The following PTPRJ variants were observed in gnomAD, a reference collection of about 807,000 sequenced individuals.
PTPRJ encodes the protein protein tyrosine phosphatase receptor type J.
Under a neutral mutation model 141.3 loss-of-function variants are expected in PTPRJ, and 129 were observed. The observed-to-expected ratio is 0.91, with a 90% CI of 0.79 to 1.06. The LOEUF (loss-of-function observed/expected upper bound fraction) is 1.06. Among genes scored for constraint, PTPRJ ranks in the 50% least tolerant of loss-of-function variants. The pLI is 0.00. For synonymous variants in PTPRJ, 610 were observed against 640.5 expected (o/e 0.95, Z 0.72); for missense variants, 1,601 against 1,679.7 (o/e 0.95, Z 0.82).
intron 1 of PTPRJ, among the ~76,000 whole-genome samples, chr11:48,080,956 AC>A (rs1486384122): frequency 6.6e-6 from 1 of 152,250 alleles, no homozygotes; most frequent in Non-Finnish European, 1.5e-5. Flanking sequence ...ATGAATACAG[AC>A]CCAGATTGTC....
chr11:47,983,618 T>G (rs951969057), intron 1 of PTPRJ, among the ~76,000 whole-genome samples: 1 of 152,212 alleles, frequency 6.6e-6, no homozygotes, highest in Non-Finnish European at 1.5e-5. Context: ...GATTCCAACA[T>G]GAGGACTTTG....
chr11:47,980,720 T>G lies in PTPRJ; in HGVS notation c.-193T>G. ...GCGGCAGCCGCGCTAGGCTCCGGCG[T>G]GTGGCCGCGGCCGCCGCCGCCGCTG... On this transcript the variant is annotated 5_prime_UTR_variant, in exon 1 of 25. Coordinates refer to ENST00000418331, the MANE Select transcript of PTPRJ (RefSeq NM_002843.4). 1 of 999,160 alleles carries G rather than the reference T, an allele frequency of 1.0e-6. No homozygotes were observed. The highest frequency in any genetic ancestry group is 1.2e-6 in the Non-Finnish European group (1 of 841,010). 61.9% of individuals were successfully genotyped at this position (999,160 alleles called of 1,614,324 possible).
At chr11:48,055,361 T>G (rs1394335239) in intron 1 of PTPRJ, among the ~76,000 whole-genome samples, 1 of 152,322 alleles carries the variant, frequency 6.6e-6, no homozygotes, top group South Asian at 2.1e-4. Flanking sequence ...TGGGAACTTT[T>G]GATGCAACAG....
intron 8 of PTPRJ, among the ~76,000 whole-genome samples, chr11:48,135,349 C>CT (rs1442586789): frequency 4.0e-5 from 6 of 151,238 alleles, no homozygotes; most frequent in African/African-American, 7.3e-5. Flanking sequence ...TAATTTTGTA[C>CT]TTTTTTTGAT....
chr11:48,097,261 C>T (rs1353103125), intron 1 of PTPRJ, among the ~76,000 whole-genome samples: 2 of 152,124 alleles, frequency 1.3e-5, no homozygotes, highest in African/African-American at 4.8e-5. Flanking sequence ...TGAGGAAGCT[C>T]TCACTTTCTA....
At chr11:47,985,335 G>C (rs1183238158) in intron 1 of PTPRJ, among the ~76,000 whole-genome samples, 1 of 150,662 alleles carries the variant, frequency 6.6e-6, no homozygotes, top group Non-Finnish European at 1.5e-5. Flanking sequence ...TAATAGAGAT[G>C]GTGTCTCGCT....
chr11:48,010,377 C>T (rs187421453), intron 1 of PTPRJ, among the ~76,000 whole-genome samples: 147 of 151,376 alleles, frequency 9.7e-4, no homozygotes, highest in African/African-American at 3.3e-3. Flanking sequence ...TAGGGTTTCG[C>T]CATGTTGGCC....
rs548044781 is a variant in PTPRJ, at chr11:48,108,009, G to T, written c.97-2049G>T. ...TTAGGTGAGAGGATCGCTTGAGCATGTGGGATCAAGGATGCAGTGAGCTGT... is the reference window on the plus strand; with the variant it reads ...TTAGGTGAGAGGATCGCTTGAGCATTTGGGATCAAGGATGCAGTGAGCTGT... On this transcript the variant is annotated intron_variant, in intron 1 of 24. Transcript: ENST00000418331. Among the ~76,000 whole-genome samples, 2 of 152,210 alleles carry T rather than the reference G, an allele frequency of 1.3e-5. 1 individual carries two copies. Among genetic ancestry groups the T allele is most frequent in the East Asian group, 3.8e-4 (2 of 5,198 alleles).
At chr11:48,133,430 A>G (rs1857022688) in intron 8 of PTPRJ, among the ~76,000 whole-genome samples, 1 of 152,168 alleles carries the variant, frequency 6.6e-6, no homozygotes, top group Non-Finnish European at 1.5e-5. Context: ...GTTTCATTCA[A>G]TGGTCCCATT....
At chr11:48,001,524 C>T (rs1322333643) in intron 1 of PTPRJ, among the ~76,000 whole-genome samples, 1 of 152,074 alleles carries the variant, frequency 6.6e-6, no homozygotes, top group Non-Finnish European at 1.5e-5. Context: ...CATTACTAAC[C>T]TCTGTGAGGT....
chr11:48,164,915 A>C (rs759631069), intron 24 of PTPRJ, among the ~76,000 whole-genome samples: 1 of 152,140 alleles, frequency 6.6e-6, no homozygotes, highest in Non-Finnish European at 1.5e-5. Flanking sequence ...CTTGTGTTAA[A>C]ATATGTCACC....
intron 1 of PTPRJ, among the ~76,000 whole-genome samples, chr11:47,996,978 C>G (rs975986388): frequency 1.4e-4 from 22 of 152,228 alleles, no homozygotes; most frequent in African/African-American, 5.3e-4. Context: ...TTAGCCTTTG[C>G]TCTTCCCTGG....
intron 24 of PTPRJ, among the ~76,000 whole-genome samples, chr11:48,166,366 T>C (rs926166585): frequency 6.6e-6 from 1 of 151,410 alleles, no homozygotes; most frequent in African/African-American, 2.4e-5. Flanking sequence ...CAGGCTGGAG[T>C]GCAGTGGTGC....
intron 1 of PTPRJ, among the ~76,000 whole-genome samples, chr11:48,026,532 A>G (rs147320338): frequency 1.4e-5 from 2 of 148,126 alleles, no homozygotes; most frequent in Non-Finnish European, 3.0e-5. Flanking sequence ...CCCAGGCTGG[A>G]GTGCAATGGT....
intron 21 of PTPRJ, among the ~76,000 whole-genome samples, chr11:48,156,477 A>G (rs986604852): frequency 2.2e-4 from 34 of 151,860 alleles, no homozygotes; most frequent in Non-Finnish European, 4.6e-4. Flanking sequence ...TCATGTCTCT[A>G]AGCAACCGGT....
chr11:48,087,775 A>G (rs1051110585), intron 1 of PTPRJ, among the ~76,000 whole-genome samples: 3 of 152,218 alleles, frequency 2.0e-5, no homozygotes, highest in African/African-American at 7.2e-5. Context: ...TACCTACCCA[A>G]GGGGTTCACG....
In PTPRJ at chr11:48,167,593, T is replaced by A; in HGVS notation, c.*231T>A. On this transcript the variant is annotated 3_prime_UTR_variant, in exon 25 of 25. Coordinates refer to ENST00000418331, the MANE Select transcript of PTPRJ (RefSeq NM_002843.4). The stretch of plus-strand genomic sequence containing the variant: ...TCTGCATTCCTGATGACCAATGGGA[T>A]GAGGTCACTTTTTTTTTTTTTCCCC... 1 of 394,752 alleles carries A rather than the reference T, an allele frequency of 2.5e-6. No individual in the cohort carries two copies. Among genetic ancestry groups the A allele is most frequent in the South Asian group, 9.7e-5 (1 of 10,360 alleles). 24.5% of individuals were successfully genotyped at this position (394,752 alleles called of 1,614,324 possible).
chr11:48,020,364 G>A (rs1363237151), intron 1 of PTPRJ, among the ~76,000 whole-genome samples: 2 of 152,180 alleles, frequency 1.3e-5, no homozygotes, highest in Non-Finnish European at 2.9e-5. Flanking sequence ...AATTTTTGGC[G>A]TTGGTGGTGG....
At chr11:48,022,157 T>C (rs967900310) in intron 1 of PTPRJ, among the ~76,000 whole-genome samples, 5 of 152,030 alleles carry the variant, frequency 3.3e-5, no homozygotes, top group African/African-American at 1.2e-4. Context: ...TTTATGTAAG[T>C]GTTGGTTGTA....
Sources: allele counts gnomAD v4.1 joint callset (sites outside exome capture counted in the v4.1 genomes callset), GRCh38; gene constraint gnomAD v4.1.1; transcripts MANE v1.5; gene names NCBI Gene and HGNC (gene_info 2026-07-23, HGNC 2026-07-21).